Variants in GRM2 observed in about 807,000 individuals in gnomAD.
GRM2 encodes glutamate metabotropic receptor 2.
Under a neutral mutation model 60.4 loss-of-function variants are expected in GRM2, and 35 were observed. That is an observed-to-expected ratio of 0.58 (90% CI 0.44 to 0.77). The LOEUF (loss-of-function observed/expected upper bound fraction) is 0.77. GRM2 is among the 30% of genes least tolerant of loss of function. GRM2 has a pLI of 0.00. For synonymous variants in GRM2, 437 were observed against 484.1 expected (o/e 0.90, Z 1.28); for missense variants, 925 against 1,199.5 (o/e 0.77, Z 3.38).
rs951140984 is a variant in GRM2 at position 51,709,974 on chromosome 3, T to G, written c.450+541T>G. ...TGTCACAGCTTCTTCCTTATAAAAT[T>G]GGATTCACAACACTTTTTTTTTTTT... On this transcript the variant is annotated intron_variant, in intron 2 of 5. Coordinates refer to ENST00000395052, the MANE Select transcript of GRM2 (RefSeq NM_000839.5). Among the ~76,000 whole-genome samples the G allele has an allele frequency of 7.3e-5, 11 of 150,728 alleles. No homozygotes were observed. The East Asian group carries it at 2.2e-3, about 30-fold the overall frequency.
At position 51,709,455 on chromosome 3, in the gene GRM2, G is replaced by T. The variant is rs1321283385; in HGVS notation, c.450+22G>T. 5 of 1,479,884 alleles carry T rather than the reference G, an allele frequency of 3.4e-6. No individual in the cohort carries two copies. The Admixed American group carries it at 8.5e-5, about 25-fold the overall frequency. The allele number at this position is 1,479,884 out of a possible 1,614,324, so 91.7% of individuals were successfully genotyped here. On this transcript the variant is annotated intron_variant, in intron 2 of 5. Coordinates refer to ENST00000395052, the MANE Select transcript of GRM2 (RefSeq NM_000839.5). ...CCAGGTACGTGGAAGCCACCCAAAT[G>T]GGGGCTAGGGAGGGAGGCCGGAGGT...
At position 51,717,278 on chromosome 3, in the gene GRM2, C is replaced by T. The variant is rs117661656; in HGVS notation, c.2365-359C>T. ...CTACACTCACGCACACATACACTCA[C>T]GCAGACACCTGCAGAAATTCACCAC... On this transcript the variant is annotated intron_variant, in intron 4 of 5. Coordinates refer to ENST00000395052, the MANE Select transcript of GRM2 (RefSeq NM_000839.5). The surrounding 1 kb of genome is among the most constrained non-coding windows in gnomAD (Gnocchi z 6.0). Among the ~76,000 whole-genome samples the T allele has an allele frequency of 1.6e-4, 24 of 152,254 alleles. 1 individual carries two copies. The South Asian group carries it at 2.1e-3, about 13-fold the overall frequency.
chr3:51,707,988 T>C, intron 1 of GRM2: 1 of 152,192 alleles, frequency 6.6e-6, no homozygotes, highest in Non-Finnish European at 1.5e-5. Flanking sequence ...AAGCTGAGGA[T>C]GGGGAGATTG....
Position 51,715,209 on chromosome 3 carries a change from C to T in GRM2, c.1436C>T (p.Thr479Ile). The stretch of plus-strand genomic sequence containing the variant: ...GTGGGCTACTGGGCAGAAGGCTTGA[C>T]TCTGGACACCAGCCTCATCCCATGG... ...QKVGYWAEGL[T>I]LDTSLIPWAS... The change falls in exon 4 of 6, where the codon ACT becomes ATT. Residue 479 changes from threonine to isoleucine, a missense_variant. Thr to Ile is a moderately conservative substitution (Grantham distance 89). Transcript: ENST00000395052. This position sits in a 1 kb window ranked among gnomAD's most constrained non-coding sequence, Gnocchi z 9.0. The T allele has an allele frequency of 6.2e-7, 1 of 1,613,926 alleles. No homozygotes were observed. The highest frequency in any genetic ancestry group is 1.1e-5 in the South Asian group (1 of 91,052).
In GRM2 at chr3:51,707,122, C is replaced by T. The variant is rs149387441; in HGVS notation, c.-182C>T. The T allele has an allele frequency of 0.025, 3,870 of 152,578 alleles. 70 individuals are homozygous for T. Among genetic ancestry groups the T allele is most frequent in the Middle Eastern group, 0.051 (15 of 292 alleles). The allele number at this position is 152,578 out of a possible 1,614,324, so 9.5% of individuals were successfully genotyped here. A position where few individuals can be genotyped will look rare whatever the true frequency, so the allele number is the denominator to read the frequency against. On this transcript the variant is annotated 5_prime_UTR_variant, in exon 1 of 6. Transcript: ENST00000395052. ...GCGAGCGGGAGCCGGAGCCTCGCGC[C>T]CCCCGCTCCACTCCGATTCTCTCCG...
intron 2 of GRM2, among the ~76,000 whole-genome samples, chr3:51,709,735 C>A: frequency 1.3e-5 from 1 of 78,164 alleles, no homozygotes; most frequent in African/African-American, 5.3e-5. Context: ...CCACACACAC[C>A]CGACACACCC....
rs5848933 is a variant in GRM2, at chr3:51,717,120, G to GCACACA, written c.2365-505_2365-500dup. On this transcript the variant is annotated intron_variant, in intron 4 of 5. Coordinates refer to ENST00000395052, the MANE Select transcript of GRM2 (RefSeq NM_000839.5). The surrounding 1 kb of genome is among the most constrained non-coding windows in gnomAD (Gnocchi z 6.0). ...ACACACACCGTACCCACACATGCATGCACACACACACACACACTTGTACAC... is the reference window on the plus strand; with the variant it reads ...ACACACACCGTACCCACACATGCATGCACACACACACACACACACACACTTGTACAC... Among the ~76,000 whole-genome samples, 3 of 150,082 alleles carry GCACACA rather than the reference G, an allele frequency of 2.0e-5. No individual in the cohort carries two copies. Among genetic ancestry groups the GCACACA allele is most frequent in the South Asian group, 4.2e-4 (2 of 4,738 alleles).
chr3:51,715,987 C>T lies in GRM2; in HGVS notation c.2214C>T (p.Leu738=). ...GCTCGCTGGCCTACAATGTGCTCCTCATCGCGCTCTGCACGCTTTATGCCT... is the reference window on the plus strand; with the variant it reads ...GCTCGCTGGCCTACAATGTGCTCCTTATCGCGCTCTGCACGCTTTATGCCT... ...MLGSLAYNVL[L]IALCTLYAFK... is the part of the protein sequence containing the mutation. The change falls in exon 4 of 6, where the codon CTC becomes CTT. Residue 738 remains leucine (L), a synonymous_variant. Coordinates refer to ENST00000395052, the MANE Select transcript of GRM2 (RefSeq NM_000839.5). This position sits in a 1 kb window ranked among gnomAD's most constrained non-coding sequence, Gnocchi z 9.0. 1 of 1,614,226 alleles carries T rather than the reference C, an allele frequency of 6.2e-7. No individual in the cohort carries two copies. Among genetic ancestry groups the T allele is most frequent in the Non-Finnish European group, 8.5e-7 (1 of 1,180,050 alleles).
chr3:51,712,677 A>G lies in GRM2; in HGVS notation c.655A>G (p.Thr219Ala). The G allele has an allele frequency of 6.2e-7, 1 of 1,614,076 alleles. No homozygotes were observed. Among genetic ancestry groups the G allele is most frequent in the South Asian group, 1.1e-5 (1 of 91,084 alleles). Residue 219 changes from threonine (T) to alanine (A), a missense_variant, in exon 3 of 6, where the codon ACA becomes GCA. By Grantham distance (58) the Thr-to-Ala change is moderately conservative (BLOSUM62 0). Coordinates refer to ENST00000395052, the MANE Select transcript of GRM2 (RefSeq NM_000839.5). This position sits in a 1 kb window ranked among gnomAD's most constrained non-coding sequence, Gnocchi z 5.3. ...TVASEGDYGETGIEAFELEAR... is the reference protein window; with the variant it reads ...TVASEGDYGEAGIEAFELEAR... ...GGCGTCTGAGGGCGACTATGGCGAG[A>G]CAGGCATTGAGGCCTTTGAGCTAGA...
Position 51,713,079 on chromosome 3 carries a change from T to C in GRM2, c.1057T>C (p.Phe353Leu). 1 of 1,613,076 alleles carries C rather than the reference T, an allele frequency of 6.2e-7. No individual in the cohort carries two copies. Among genetic ancestry groups the C allele is most frequent in the Non-Finnish European group, 8.5e-7 (1 of 1,180,000 alleles). ...PWFREFWEQR[F>L]RCSFRQRDCA... ...GTTCCGTGAATTCTGGGAGCAGAGG[T>C]TCCGCTGCAGCTTCCGGCAGCGAGA... Residue 353 changes from phenylalanine (F) to leucine (L), a missense_variant, in exon 3 of 6, where the codon TTC (phenylalanine) becomes CTC (leucine). Phe to Leu is a conservative substitution (Grantham distance 22). Coordinates refer to ENST00000395052, the MANE Select transcript of GRM2 (RefSeq NM_000839.5). The surrounding 1 kb of genome is among the most constrained non-coding windows in gnomAD (Gnocchi z 4.8).
Position 51,709,440 on chromosome 3 carries a change from G to A in GRM2, c.450+7G>A. 2 of 1,514,326 alleles carry A rather than the reference G, an allele frequency of 1.3e-6. No individual in the cohort carries two copies. Among genetic ancestry groups the A allele is most frequent in the Non-Finnish European group, 1.8e-6 (2 of 1,119,408 alleles). 93.8% of individuals were successfully genotyped at this position (1,514,326 alleles called of 1,614,324 possible). ...CAGTGATGTCTCCATCCAGGTACGT[G>A]GAAGCCACCCAAATGGGGGCTAGGG... On this transcript the variant is annotated splice_region_variant and intron_variant, in intron 2 of 5. Coordinates refer to ENST00000395052, the MANE Select transcript of GRM2 (RefSeq NM_000839.5).
rs897596307 is a variant in GRM2 at position 51,713,838 on chromosome 3, C to T, written c.1288+528C>T. ...GTGGTTATTCACAGGCACAATACAG[C>T]CTCCAACTCCTGGGCTCAAGCGATC... is the stretch of plus-strand genomic sequence containing the variant. On this transcript the variant is annotated intron_variant, in intron 3 of 5. Coordinates refer to ENST00000395052, the MANE Select transcript of GRM2 (RefSeq NM_000839.5). The surrounding 1 kb of genome is among the most constrained non-coding windows in gnomAD (Gnocchi z 4.8). The T allele has an allele frequency of 2.6e-5, 9 of 340,656 alleles. No individual in the cohort carries two copies. The highest frequency in any genetic ancestry group is 1.9e-4 in the African/African-American group (9 of 46,514). The allele number at this position is 340,656 out of a possible 1,614,324, so 21.1% of individuals were successfully genotyped here.
Position 51,713,239 on chromosome 3 carries a change from T to C in GRM2, c.1217T>C (p.Leu406Pro), listed in dbSNP as rs1703784999. The C allele has an allele frequency of 6.2e-6, 10 of 1,613,040 alleles. No homozygotes were observed. Among genetic ancestry groups the C allele is most frequent in the Non-Finnish European group, 8.5e-6 (10 of 1,179,976 alleles). Reference sequence around the variant, plus strand: ...GCCCTCTGCCCCAACACCACCCGGCTCTGTGACGCGATGCGGCCAGTTAAC... The same window carrying C: ...GCCCTCTGCCCCAACACCACCCGGCCCTGTGACGCGATGCGGCCAGTTAAC... ...HRALCPNTTR[L>P]CDAMRPVNGR... Residue 406 changes from leucine to proline, a missense_variant, in exon 3 of 6, where the codon CTC becomes CCC. Transcript: ENST00000395052. The surrounding 1 kb of genome is among the most constrained non-coding windows in gnomAD (Gnocchi z 4.8).
rs1703842485 is a variant in GRM2, at chr3:51,715,009, C to T, written c.1289-53C>T. 1 of 1,146,570 alleles carries T rather than the reference C, an allele frequency of 8.7e-7. No individual in the cohort carries two copies. 71.0% of individuals were successfully genotyped at this position (1,146,570 alleles called of 1,614,324 possible). On this transcript the variant is annotated intron_variant, in intron 3 of 5. Coordinates refer to ENST00000395052, the MANE Select transcript of GRM2 (RefSeq NM_000839.5). This position sits in a 1 kb window ranked among gnomAD's most constrained non-coding sequence, Gnocchi z 9.0. The stretch of plus-strand genomic sequence containing the variant: ...CATGTTAGGGTGAATGTTGAGGTCA[C>T]ATCAGGGTAACACACTAGTCCAACC...
In GRM2 at chr3:51,709,444, G is replaced by A. The variant is rs1176039099; in HGVS notation, c.450+11G>A. 5 of 1,509,666 alleles carry A rather than the reference G, an allele frequency of 3.3e-6. No individual in the cohort carries two copies. In the Admixed American group the frequency reaches 9.7e-5, roughly 29 times the overall value. The allele number at this position is 1,509,666 out of a possible 1,614,324, so 93.5% of individuals were successfully genotyped here. A position where few individuals can be genotyped will look rare whatever the true frequency, so the allele number is the denominator to read the frequency against. On this transcript the variant is annotated intron_variant, in intron 2 of 5. Transcript: ENST00000395052. ...GATGTCTCCATCCAGGTACGTGGAA[G>A]CCACCCAAATGGGGGCTAGGGAGGG...
At chr3:51,707,941 G>T (rs1462280383) in intron 1 of GRM2, 1 of 152,460 alleles carries the variant, frequency 6.6e-6, no homozygotes, top group Non-Finnish European at 1.5e-5. Flanking sequence ...CAGGGAGGGG[G>T]TCTCTGAGGG....
At position 51,716,151 on chromosome 3, in the gene GRM2, C is replaced by T. The variant is rs780272463; in HGVS notation, c.2364+14C>T. 1.9e-6 allele frequency: 3 copies of T among 1,558,966 alleles called. No individual in the cohort carries two copies. The highest frequency in any genetic ancestry group is 2.7e-6 in the Non-Finnish European group (3 of 1,130,352). On this transcript the variant is annotated intron_variant, in intron 4 of 5. Transcript: ENST00000395052. The surrounding 1 kb of genome is among the most constrained non-coding windows in gnomAD (Gnocchi z 4.0). ...AGTGACTACCGGGTGAGCTACCTGC[C>T]ACAGAGGTCGGGGGAGATGGGACAC...
In GRM2 at chr3:51,716,082, GCAT is replaced by G; in HGVS notation, c.2314_2316del (p.Ile772del). 1 of 1,614,234 alleles carries G rather than the reference GCAT, an allele frequency of 6.2e-7. No homozygotes were observed. Among genetic ancestry groups the G allele is most frequent in the Non-Finnish European group, 8.5e-7 (1 of 1,180,028 alleles). ...ATTGGCTTCACCATGTACACCACCT[GCAT>G]CATCTGGCTGGCATTCCTGCCCATC... is the stretch of plus-strand genomic sequence containing the variant. On this transcript the variant is annotated inframe_deletion, in exon 4 of 6. Transcript: ENST00000395052. This position sits in a 1 kb window ranked among gnomAD's most constrained non-coding sequence, Gnocchi z 4.0.
rs750177693 is a variant in GRM2, at chr3:51,717,279, G to A, written c.2365-358G>A. Among the ~76,000 whole-genome samples, 4 of 151,812 alleles carry A rather than the reference G, an allele frequency of 2.6e-5. No individual in the cohort carries two copies. The highest frequency in any genetic ancestry group is 5.9e-5 in the Non-Finnish European group (4 of 67,952). ...TACACTCACGCACACATACACTCAC[G>A]CAGACACCTGCAGAAATTCACCACC... On this transcript the variant is annotated intron_variant, in intron 4 of 5. Transcript: ENST00000395052. This position sits in a 1 kb window ranked among gnomAD's most constrained non-coding sequence, Gnocchi z 6.0.
Sources: allele counts gnomAD v4.1 joint callset (sites outside exome capture counted in the v4.1 genomes callset), GRCh38; gene constraint gnomAD v4.1.1; non-coding constraint Gnocchi (gnomAD v3.1); transcripts MANE v1.5; gene names NCBI Gene and HGNC (gene_info 2026-07-23, HGNC 2026-07-21).